The following TRMT44 variants were observed in gnomAD, a reference collection of about 807,000 sequenced individuals.
TRMT44 encodes tRNA methyltransferase 44 homolog.
A neutral mutation model predicts 77.3 loss-of-function variants in TRMT44; 78 were observed. That is an observed-to-expected ratio of 1.01 (90% confidence interval 0.84 to 1.22). The LOEUF is 1.22. Among genes scored for constraint, TRMT44 ranks in the 50% most tolerant of loss-of-function variants. The probability of loss-of-function intolerance (pLI) is 0.00; values close to 1 mark genes in which losing one functional copy is unlikely to be tolerated. For missense variants in TRMT44, 1,090 were observed against 964.4 expected (o/e 1.13, Z -1.73); for synonymous variants, 391 against 383.3 (o/e 1.02, Z -0.23).
Position 8,449,668 on chromosome 4 carries a change from GGTTC to G in TRMT44, c.735_738del (p.Trp245Ter), listed in dbSNP as rs1725295775. The G allele has an allele frequency of 6.5e-7, 1 of 1,530,542 alleles. No individual in the cohort carries two copies. Among genetic ancestry groups the G allele is most frequent in the African/African-American group, 1.4e-5 (1 of 72,844 alleles). The allele number at this position is 1,530,542 out of a possible 1,614,324, so 94.8% of individuals were successfully genotyped here. On this transcript the variant is annotated frameshift_variant and splice_region_variant, in exon 3 of 11. Transcript: ENST00000389737. LOFTEE classifies it high-confidence loss of function. ...TATTCATATTTCTCTTATTTTTAAA[GGTTC>G]ATATCTGTTTTAATTTTCTGTCCAG...
At chr4:8,504,037 C>CCTGCTCTCTCCTGCTCCCCCT in the TRMT44 span, among the ~76,000 whole-genome samples, 7 of 152,308 alleles carry the variant, frequency 4.6e-5, no homozygotes, top group South Asian at 1.4e-3. The surrounding 1 kb of genome is among the most constrained non-coding windows in gnomAD (Gnocchi z 5.3). Flanking sequence ...CCCGTCCACA[C>CCTGCTCTCTCCTGCTCCCCCT]CTGCTCTCTC....
the TRMT44 span, among the ~76,000 whole-genome samples, chr4:8,510,015 C>A: frequency 5.9e-5 from 9 of 152,124 alleles, no homozygotes; most frequent in African/African-American, 2.2e-4. Context: ...AGAATGAGTA[C>A]CTGTGTCTGC....
In TRMT44 at chr4:8,471,458, G is replaced by A. The variant is rs114425931; in HGVS notation, c.2044+258G>A. On this transcript the variant is annotated intron_variant, in intron 10 of 10. Transcript: ENST00000389737. ...GCTGGTCTCTCTCCCCCTATGCTGT[G>A]CTTGCTGACGCCTCAGCTCCACTTG... Among the ~76,000 whole-genome samples the A allele has an allele frequency of 6.5e-3, 987 of 152,344 alleles. 7 individuals are homozygous for A. Among genetic ancestry groups the A allele is most frequent in the African/African-American group, 0.023 (941 of 41,578 alleles).
At chr4:8,511,067 G>A in the TRMT44 span, 4 of 152,262 alleles carry the variant, frequency 2.6e-5, no homozygotes, top group African/African-American at 7.2e-5. Flanking sequence ...GGTCAGGAAC[G>A]GCCTGGTGGC....
At chr4:8,453,405 C>G (rs1462214832) in intron 5 of TRMT44, 1 of 153,224 alleles carries the variant, frequency 6.5e-6, no homozygotes, top group Non-Finnish European at 1.5e-5. Context: ...GTGGCCGAGG[C>G]GGGTGGATCA....
rs1265960276 is a variant in TRMT44 at position 8,451,602 on chromosome 4, T to G, written c.955-358T>G. 6.6e-6 allele frequency among the ~76,000 whole-genome samples: 1 copy of G among 152,222 alleles called. No individual in the cohort carries two copies. Reference sequence around the variant, plus strand: ...CTAGTTTGTGGCTCGCGGCTCTCCCTGCCCTAGTTTCACTCCCACGCCTAG... The same window carrying G: ...CTAGTTTGTGGCTCGCGGCTCTCCCGGCCCTAGTTTCACTCCCACGCCTAG... On this transcript the variant is annotated intron_variant, in intron 3 of 10. Transcript: ENST00000389737. The surrounding 1 kb of genome is among the most constrained non-coding windows in gnomAD (Gnocchi z 4.1).
intron 8 of TRMT44, among the ~76,000 whole-genome samples, chr4:8,466,219 C>T (rs538226161): frequency 6.6e-6 from 1 of 152,358 alleles, no homozygotes; most frequent in South Asian, 2.1e-4. Context: ...TAAAAAATAA[C>T]CCCGTCGTGT....
chr4:8,488,477 G>A (rs986419846), intron 2 of TRMT44, among the ~76,000 whole-genome samples: 2 of 152,224 alleles, frequency 1.3e-5, no homozygotes, highest in Non-Finnish European at 2.9e-5. Flanking sequence ...GGTGCTCCGT[G>A]GGGAAGCTTT....
In TRMT44 at chr4:8,459,689, CACT is replaced by C. The variant is rs554369218; in HGVS notation, c.1204-4293_1204-4291del. 3.1e-3 allele frequency among the ~76,000 whole-genome samples: 478 copies of C among 152,286 alleles called. 2 individuals carry two copies. The highest frequency in any genetic ancestry group is 0.011 in the African/African-American group (465 of 41,562). Reference sequence around the variant, plus strand: ...GCTTCATTTCAGCAAGAATTCTGAGCACTACAAGAGATGCATCCAATGGGAGAA... The same window carrying C: ...GCTTCATTTCAGCAAGAATTCTGAGCACAAGAGATGCATCCAATGGGAGAA... On this transcript the variant is annotated intron_variant, in intron 6 of 10. Transcript: ENST00000389737.
At chr4:8,458,768 T>C (rs1433725935) in intron 6 of TRMT44, among the ~76,000 whole-genome samples, 3 of 152,194 alleles carry the variant, frequency 2.0e-5, no homozygotes, top group African/African-American at 7.2e-5. Flanking sequence ...ATTTTCTTAA[T>C]AACATTTTCT....
At chr4:8,499,251 T>A in the TRMT44 span, among the ~76,000 whole-genome samples, 6 of 152,132 alleles carry the variant, frequency 3.9e-5, no homozygotes, top group South Asian at 2.1e-4. Context: ...GCCCCAACAC[T>A]GTGCTGAGAC....
At position 8,444,959 on chromosome 4, in the gene TRMT44, G is replaced by A. The variant is rs1301456222; in HGVS notation, c.620-1517G>A. On this transcript the variant is annotated intron_variant, in intron 1 of 10. Coordinates refer to ENST00000389737, the MANE Select transcript of TRMT44 (RefSeq NM_152544.3). The surrounding 1 kb of genome is among the most constrained non-coding windows in gnomAD (Gnocchi z 4.0). ...ACAGCAGATTTGGGGTTGCCACACTGGGCAGGGAGGGAGAGGATGCTGCTG... is the reference window on the plus strand; with the variant it reads ...ACAGCAGATTTGGGGTTGCCACACTAGGCAGGGAGGGAGAGGATGCTGCTG... 6.6e-6 allele frequency among the ~76,000 whole-genome samples: 1 copy of A among 152,190 alleles called. No homozygotes were observed. The highest frequency in any genetic ancestry group is 2.4e-5 in the African/African-American group (1 of 41,446).
chr4:8,482,752 T>C (rs976209927), intron 2 of TRMT44, among the ~76,000 whole-genome samples: 7 of 151,138 alleles, frequency 4.6e-5, no homozygotes, highest in Non-Finnish European at 8.8e-5. Flanking sequence ...ATTTTCACTT[T>C]TGTGATTCTT....
intron 10 of TRMT44, among the ~76,000 whole-genome samples, chr4:8,474,899 G>A (rs1235067352): frequency 6.6e-6 from 1 of 152,186 alleles, no homozygotes; most frequent in Non-Finnish European, 1.5e-5. Flanking sequence ...GTGACGAGCG[G>A]GCCCACAGCA....
chr4:8,512,466 A>G, the TRMT44 span: 2 of 152,344 alleles, frequency 1.3e-5, no homozygotes, highest in East Asian at 3.8e-4. Context: ...AGACGTTGAG[A>G]GTTCTAATTT....
chr4:8,449,676 T>A lies in TRMT44; in HGVS notation c.742T>A (p.Ser248Thr). ...LSHSKEEWFI[S>T]VLIFCPERWH... The stretch of plus-strand genomic sequence containing the variant: ...TTTCTCTTATTTTTAAAGGTTCATA[T>A]CTGTTTTAATTTTCTGTCCAGAAAG... Residue 248 changes from serine to threonine, a missense_variant, in exon 3 of 11, where the codon TCT becomes ACT. Coordinates refer to ENST00000389737, the MANE Select transcript of TRMT44 (RefSeq NM_152544.3). 6.5e-7 allele frequency: 1 copy of A among 1,534,896 alleles called. No homozygotes were observed. Among genetic ancestry groups the A allele is most frequent in the Admixed American group, 2.0e-5 (1 of 50,976 alleles).
intron 2 of TRMT44, among the ~76,000 whole-genome samples, chr4:8,487,530 G>T (rs1727849824): frequency 6.6e-6 from 1 of 151,732 alleles, no homozygotes; most frequent in African/African-American, 2.4e-5. Context: ...TTGGGGTGTA[G>T]AGGTAAGAGG....
chr4:8,457,289 C>T (rs1725867153), intron 6 of TRMT44, among the ~76,000 whole-genome samples: 1 of 152,186 alleles, frequency 6.6e-6, no homozygotes, highest in Non-Finnish European at 1.5e-5. Flanking sequence ...AAAAGAGAAA[C>T]ACCAGCTGCC....
rs147359537 is a variant in TRMT44, at chr4:8,461,103, G to A, written c.1204-2882G>A. ...GGGGCTCAAGTGATCCTCCCACCTC[G>A]GCCTCCCACAGGGCTGGGATGACAA... On this transcript the variant is annotated intron_variant, in intron 6 of 10. Coordinates refer to ENST00000389737, the MANE Select transcript of TRMT44 (RefSeq NM_152544.3). This position sits in a 1 kb window ranked among gnomAD's most constrained non-coding sequence, Gnocchi z 4.6. Among the ~76,000 whole-genome samples the A allele has an allele frequency of 3.8e-3, 571 of 152,218 alleles. 3 individuals carry two copies. Among genetic ancestry groups the A allele is most frequent in the African/African-American group, 0.013 (542 of 41,536 alleles).
Sources: allele counts gnomAD v4.1 joint callset (sites outside exome capture counted in the v4.1 genomes callset), GRCh38; gene constraint gnomAD v4.1.1; non-coding constraint Gnocchi (gnomAD v3.1); transcripts MANE v1.5; gene names NCBI Gene and HGNC (gene_info 2026-07-23, HGNC 2026-07-21).